The following WARS2 variants were observed in gnomAD, a reference collection of about 807,000 sequenced individuals.
The protein encoded by WARS2 is tryptophanyl tRNA synthetase 2, mitochondrial.
WARS2 carries 28 observed loss-of-function variants against 36.5 expected under a neutral mutation model. The observed-to-expected ratio is 0.77, with a 90% CI of 0.57 to 1.05. The LOEUF is 1.05. Among genes scored for constraint, WARS2 ranks in the 50% least tolerant of loss-of-function variants. The pLI is 0.00. For synonymous variants in WARS2, 174 were observed against 178.4 expected, an observed-to-expected ratio of 0.98 and a Z score of 0.20; for missense variants, 435 against 456.8, an observed-to-expected ratio of 0.95 and a Z score of 0.44.
intron 2 of WARS2, among the ~76,000 whole-genome samples, chr1:119,045,899 A>AC (rs1177905949): frequency 6.6e-6 from 1 of 152,066 alleles, no homozygotes; most frequent in African/African-American, 2.4e-5. Flanking sequence ...ACTCCACAAT[A>AC]CCCCACCAGA....
rs1046483463 is a variant in WARS2, at chr1:119,033,214, C to G, written c.780G>C (p.Ser260=). The change falls in exon 6 of 6, where the codon TCG becomes TCC. Residue 260 remains serine (S), a synonymous_variant. Coordinates refer to ENST00000235521, the MANE Select transcript of WARS2 (RefSeq NM_015836.4). ...KFRKAVTDFT[S]EVTYDPAGRA... ...GGCCAGCCGGGTCATAGGTGACCTCCGAGGTGAAGTCTGTCACAGCCTTGC... is the reference window on the plus strand; with the variant it reads ...GGCCAGCCGGGTCATAGGTGACCTCGGAGGTGAAGTCTGTCACAGCCTTGC... 3 of 1,614,130 alleles carry G rather than the reference C, an allele frequency of 1.9e-6. No homozygotes were observed. Among genetic ancestry groups the G allele is most frequent in the Non-Finnish European group, 2.5e-6 (3 of 1,180,062 alleles).
intron 1 of WARS2, among the ~76,000 whole-genome samples, chr1:119,106,144 T>C (rs945879178): frequency 6.6e-6 from 1 of 152,216 alleles, no homozygotes; most frequent in Non-Finnish European, 1.5e-5. Flanking sequence ...TTAACAGTTC[T>C]TTTTAAATTA....
chr1:119,060,136 A>AAAAC (rs1238748518), intron 2 of WARS2, among the ~76,000 whole-genome samples: 2 of 152,200 alleles, frequency 1.3e-5, no homozygotes, highest in East Asian at 3.8e-4. Context: ...ATCCAATCTA[A>AAAAC]AAACAAGGCT....
At chr1:119,078,910 G>T (rs1170482511) in intron 1 of WARS2, among the ~76,000 whole-genome samples, 1 of 151,446 alleles carries the variant, frequency 6.6e-6, no homozygotes, top group Non-Finnish European at 1.5e-5. Context: ...GTGTGTGTGT[G>T]TGTGTGTGTG....
At chr1:119,084,547 A>AT (rs1652475825) in intron 1 of WARS2, among the ~76,000 whole-genome samples, 1 of 152,180 alleles carries the variant, frequency 6.6e-6, no homozygotes, top group Non-Finnish European at 1.5e-5. Context: ...GACATTAAAC[A>AT]TTTTTTTAAA....
At chr1:119,091,301 T>TG (rs1385449740) in intron 1 of WARS2, among the ~76,000 whole-genome samples, 1 of 152,200 alleles carries the variant, frequency 6.6e-6, no homozygotes, top group African/African-American at 2.4e-5. Flanking sequence ...GAGCTATAAA[T>TG]GTATTATCTC....
In WARS2 at chr1:119,127,276, T is replaced by C. The variant is rs1157205299; in HGVS notation, c.90+13279A>G. 6.8e-6 allele frequency: 5 copies of C among 735,576 alleles called. No homozygotes were observed. In the Admixed American group the frequency reaches 9.6e-5, roughly 14 times the overall value. 45.6% of individuals were successfully genotyped at this position (735,576 alleles called of 1,614,324 possible). ...TTGCCGCCTTTCATAAGGCGCTTGT[T>C]CTTGCCAACCTCCATGGTGCTGCTC... On this transcript the variant is annotated intron_variant, in intron 1 of 5. Transcript: ENST00000235521.
At chr1:119,112,836 G>A (rs1654735009) in intron 1 of WARS2, among the ~76,000 whole-genome samples, 1 of 152,178 alleles carries the variant, frequency 6.6e-6, no homozygotes, top group African/African-American at 2.4e-5. Flanking sequence ...CTGCAGTCTT[G>A]TTTGGCTGTT....
intron 1 of WARS2, among the ~76,000 whole-genome samples, chr1:119,111,923 A>G: frequency 6.9e-6 from 1 of 145,892 alleles, no homozygotes; most frequent in Admixed American, 6.9e-5. Flanking sequence ...GTTTGTTCAG[A>G]TTTTTTTTTT....
At position 119,135,733 on chromosome 1, in the gene WARS2, GAT is replaced by G. The variant is rs1656444336; in HGVS notation, c.90+4820_90+4821del. The stretch of plus-strand genomic sequence containing the variant: ...AGATAGACAGATAGATAGATAGATA[GAT>G]AGATAGATAGATAGATAGAGAGATA... On this transcript the variant is annotated intron_variant, in intron 1 of 5. Coordinates refer to ENST00000235521, the MANE Select transcript of WARS2 (RefSeq NM_015836.4). 1.0e-4 allele frequency among the ~76,000 whole-genome samples: 12 copies of G among 116,250 alleles called. 3 individuals carry two copies. The highest frequency in any genetic ancestry group is 3.4e-4 in the African/African-American group (12 of 35,364). The allele number at this position is 116,250 out of a possible 152,430, so 76.3% of individuals were successfully genotyped here. A position where few individuals can be genotyped will look rare whatever the true frequency, so the allele number is the denominator to read the frequency against.
At chr1:119,047,366 G>A (rs1648943913) in intron 2 of WARS2, 1 of 152,172 alleles carries the variant, frequency 6.6e-6, no homozygotes, top group Non-Finnish European at 1.5e-5. Context: ...GAGACAAGAT[G>A]ACGCCTCTTT....
At chr1:119,035,843 T>C (rs1006371757) in intron 4 of WARS2, among the ~76,000 whole-genome samples, 3 of 152,244 alleles carry the variant, frequency 2.0e-5, no homozygotes, top group African/African-American at 7.2e-5. Context: ...AACAGAACAA[T>C]CAATGGAAAG....
At chr1:119,035,934 A>T (rs1217478862) in intron 4 of WARS2, among the ~76,000 whole-genome samples, 2 of 152,152 alleles carry the variant, frequency 1.3e-5, no homozygotes, top group Non-Finnish European at 2.9e-5. Context: ...GGCCAGGTGC[A>T]TTGGCTCACG....
chr1:119,044,047 C>T (rs1648590758), intron 3 of WARS2, among the ~76,000 whole-genome samples: 1 of 152,188 alleles, frequency 6.6e-6, no homozygotes, highest in Non-Finnish European at 1.5e-5. Context: ...TTTTCCCAAA[C>T]AGACTATAAG....
At chr1:119,079,883 A>C (rs1557966084) in intron 1 of WARS2, among the ~76,000 whole-genome samples, 1 of 152,178 alleles carries the variant, frequency 6.6e-6, no homozygotes, top group Non-Finnish European at 1.5e-5. Flanking sequence ...CAAAATCACA[A>C]ACACACACAT....
chr1:119,139,326 A>G (rs587690092), intron 1 of WARS2, among the ~76,000 whole-genome samples: 1 of 152,352 alleles, frequency 6.6e-6, no homozygotes, highest in East Asian at 1.9e-4. Flanking sequence ...GGCTCACATT[A>G]ATAAAAAACG....
intron 2 of WARS2, among the ~76,000 whole-genome samples, chr1:119,075,216 G>A (rs587697463): frequency 4.4e-4 from 66 of 151,376 alleles, no homozygotes; most frequent in African/African-American, 1.5e-3. Flanking sequence ...ACAATACCAC[G>A]ATAGAAAAAT....
chr1:119,126,781 C>G, intron 1 of WARS2: 2 of 738,200 alleles, frequency 2.7e-6, no homozygotes, highest in South Asian at 2.7e-5. Context: ...AACTTATTGA[C>G]CACCTCTTTC....
intron 2 of WARS2, among the ~76,000 whole-genome samples, chr1:119,061,333 AAC>A (rs1650359964): frequency 6.6e-6 from 1 of 152,220 alleles, no homozygotes; most frequent in South Asian, 2.1e-4. Flanking sequence ...GAGATGAATA[AAC>A]AGATAGAAAA....
Sources: gnomAD v4.1 joint callset for allele counts (sites outside exome capture counted in the v4.1 genomes callset) on GRCh38, gnomAD v4.1.1 for gene constraint, MANE v1.5 for transcripts, NCBI Gene and HGNC (gene_info 2026-07-23, HGNC 2026-07-21) for gene names.